ANO6: variants seen among roughly 807,000 people sequenced by gnomAD.
ANO6 encodes the protein anoctamin-6.
In ANO6, 106 loss-of-function variants were observed where a neutral mutation model predicts 117.5. The ratio of observed to expected loss-of-function variants is 0.90; its 90% CI spans 0.77 to 1.06. ANO6 has a LOEUF of 1.06. Among genes scored for constraint, ANO6 ranks in the 50% least tolerant of loss-of-function variants. The probability of loss-of-function intolerance (pLI) is 0.00; values close to 1 mark genes in which losing one functional copy is unlikely to be tolerated. For synonymous variants in ANO6, 367 were observed against 385.1 expected (o/e 0.95, Z 0.55); for missense variants, 955 against 1,121.1 (o/e 0.85, Z 2.12).
chr12:45,243,808 C>T (rs1947782390), intron 1 of ANO6, among the ~76,000 whole-genome samples: 1 of 152,276 alleles, frequency 6.6e-6, no homozygotes, highest in East Asian at 1.9e-4. Flanking sequence ...CCTCAGCTTC[C>T]CAAAGTGCTG....
rs1947427123 is a variant in ANO6 at position 45,222,894 on chromosome 12, A to T, written c.70+6503A>T. On this transcript the variant is annotated intron_variant, in intron 1 of 19. Transcript: ENST00000320560. ...TTCCCCATTCAGTCTATTAGTATTAAATCGTATGCTTTTTGTCCAATCACT... is the reference window on the plus strand; with the variant it reads ...TTCCCCATTCAGTCTATTAGTATTATATCGTATGCTTTTTGTCCAATCACT... 3.3e-5 allele frequency among the ~76,000 whole-genome samples: 5 copies of T among 152,334 alleles called. No individual in the cohort carries two copies. The South Asian group carries it at 1.0e-3, about 32-fold the overall frequency.
intron 9 of ANO6, among the ~76,000 whole-genome samples, chr12:45,372,713 A>T (rs377625084): frequency 6.6e-6 from 1 of 152,112 alleles, no homozygotes; most frequent in Non-Finnish European, 1.5e-5. Flanking sequence ...TGAAGGAAGC[A>T]CTAAACATGG....
chr12:45,423,469 A>T (rs1462461690), intron 19 of ANO6, among the ~76,000 whole-genome samples: 1 of 152,220 alleles, frequency 6.6e-6, no homozygotes. Context: ...TTTGTAATTG[A>T]TCTAGCCAAC....
chr12:45,430,384 G>GGGAGT lies in ANO6; in HGVS notation c.*1075_*1079dup, dbSNP rs1943603804. 2.1e-5 allele frequency: 21 copies of GGGAGT among 985,264 alleles called. 1 individual carries two copies. In the South Asian group the frequency reaches 9.4e-4, roughly 44 times the overall value. The allele number at this position is 985,264 out of a possible 1,614,324, so 61.0% of individuals were successfully genotyped here. ...GTGCCCTCATTGTGGTCATTGGGTGGGGAGTGCCTTTTGTCAAGGAGTCTG... is the reference window on the plus strand; with the variant it reads ...GTGCCCTCATTGTGGTCATTGGGTGGGGAGTGGAGTGCCTTTTGTCAAGGAGTCTG... On this transcript the variant is annotated 3_prime_UTR_variant, in exon 20 of 20. Transcript: ENST00000320560.
rs553354593 is a variant in ANO6 at position 45,283,612 on chromosome 12, C to T, written c.71-18402C>T. On this transcript the variant is annotated intron_variant, in intron 1 of 19. Transcript: ENST00000320560. ...CATGTAATAGCATCTATTTTTTCTA[C>T]TCTGTCTACATAATGGGAGCTAAGA... 6.6e-5 allele frequency among the ~76,000 whole-genome samples: 10 copies of T among 152,274 alleles called. 1 individual carries two copies. In the East Asian group the frequency reaches 1.9e-3, roughly 29 times the overall value.
chr12:45,272,543 G>A (rs1938426926), intron 1 of ANO6, among the ~76,000 whole-genome samples: 2 of 152,174 alleles, frequency 1.3e-5, no homozygotes, highest in African/African-American at 4.8e-5. Flanking sequence ...CATAAGAAGA[G>A]AGAATTCTCC....
At chr12:45,247,446 T>C (rs761543836) in intron 1 of ANO6, among the ~76,000 whole-genome samples, 2 of 152,222 alleles carry the variant, frequency 1.3e-5, no homozygotes, top group African/African-American at 2.4e-5. Context: ...ATCAGAAAAG[T>C]AATTTGCCTA....
At chr12:45,418,263 C>T (rs980032988) in intron 17 of ANO6, among the ~76,000 whole-genome samples, 22 of 152,136 alleles carry the variant, frequency 1.4e-4, no homozygotes, top group Admixed American at 6.5e-4. Flanking sequence ...ACCCCAGAAC[C>T]GTACATTTAT....
At chr12:45,382,846 T>TG (rs1223739126) in intron 10 of ANO6, among the ~76,000 whole-genome samples, 1 of 152,236 alleles carries the variant, frequency 6.6e-6, no homozygotes, top group African/African-American at 2.4e-5. Flanking sequence ...TTAATCTTTT[T>TG]GCTGTGAGAG....
rs769035967 is a variant in ANO6 at position 45,401,886 on chromosome 12, A to G, written c.1478A>G (p.Asn493Ser). Residue 493 changes from asparagine (N) to serine (S), a missense_variant, in exon 13 of 20, where the codon AAT becomes AGT. Asn to Ser is a conservative substitution (Grantham distance 46). Coordinates refer to ENST00000320560, the MANE Select transcript of ANO6 (RefSeq NM_001025356.3). ...TCTGCAAAACTTCCCAAGAACATTA[A>G]TGGAACAGACCCAATCCAGAAATAC... ...VFSAKLPKNI[N>S]GTDPIQKYLT... 5 of 1,613,946 alleles carry G rather than the reference A, an allele frequency of 3.1e-6. No homozygotes were observed. In the South Asian group the frequency reaches 5.5e-5, roughly 18 times the overall value.
rs187344610 is a variant in ANO6, at chr12:45,305,250, G to A, written c.150+3157G>A. Among the ~76,000 whole-genome samples the A allele has an allele frequency of 1.9e-4, 29 of 152,256 alleles. No individual in the cohort carries two copies. The East Asian group carries it at 2.9e-3, about 15-fold the overall frequency. ...GTAAGAGTCCAGGTGAAAGGGACCC[G>A]GCAAATACTGGCATTAGAAAGTAAC... On this transcript the variant is annotated intron_variant, in intron 2 of 19. Coordinates refer to ENST00000320560, the MANE Select transcript of ANO6 (RefSeq NM_001025356.3).
rs370355364 is a variant in ANO6, at chr12:45,412,626, C to T, written c.2011+3139C>T. 1.1e-3 allele frequency among the ~76,000 whole-genome samples: 174 copies of T among 152,322 alleles called. 2 individuals carry two copies. In the South Asian group the frequency reaches 0.036, roughly 31 times the overall value. Reference sequence around the variant, plus strand: ...ATCACCTGCCATGAAGTCTCCTAACCTTTGCAGGATGAGCTTTCCAAAAGG... The same window carrying T: ...ATCACCTGCCATGAAGTCTCCTAACTTTTGCAGGATGAGCTTTCCAAAAGG... On this transcript the variant is annotated intron_variant, in intron 16 of 19. Coordinates refer to ENST00000320560, the MANE Select transcript of ANO6 (RefSeq NM_001025356.3).
At chr12:45,257,492 C>T (rs377382218) in intron 1 of ANO6, among the ~76,000 whole-genome samples, 1 of 152,300 alleles carries the variant, frequency 6.6e-6, no homozygotes, top group South Asian at 2.1e-4. Context: ...AGTTGCATCC[C>T]TTCTGTGTGC....
At chr12:45,231,162 A>G (rs921608046) in intron 1 of ANO6, among the ~76,000 whole-genome samples, 3 of 152,240 alleles carry the variant, frequency 2.0e-5, no homozygotes, top group African/African-American at 7.2e-5. Flanking sequence ...TAGAATTTTT[A>G]TTCCTTAAGT....
At chr12:45,411,038 G>A (rs1027586454) in intron 16 of ANO6, among the ~76,000 whole-genome samples, 41 of 152,166 alleles carry the variant, frequency 2.7e-4, no homozygotes, top group Non-Finnish European at 2.5e-4. Context: ...CAGAAGGACT[G>A]TAAGACAATT....
intron 4 of ANO6, 37 bp downstream of exon 4, chr12:45,347,124 C>T: frequency 1.3e-6 from 2 of 1,597,054 alleles, no homozygotes; most frequent in Non-Finnish European, 1.7e-6. Flanking sequence ...CGGCTGACCA[C>T]TGTTCTCGGG....
At chr12:45,290,332 G>T (rs1271907090) in intron 1 of ANO6, among the ~76,000 whole-genome samples, 3 of 151,968 alleles carry the variant, frequency 2.0e-5, no homozygotes, top group Admixed American at 6.6e-5. Context: ...TTGAAATCAG[G>T]CCTACTCTGA....
rs1424750604 is a variant in ANO6 at position 45,357,296 on chromosome 12, C to T, written c.870C>T (p.Tyr290=). 4 of 1,613,550 alleles carry T rather than the reference C, an allele frequency of 2.5e-6. No individual in the cohort carries two copies. Among genetic ancestry groups the T allele is most frequent in the Non-Finnish European group, 3.4e-6 (4 of 1,179,932 alleles). Residue 290 remains tyrosine, a synonymous_variant, in exon 8 of 20, where the codon TAC becomes TAT. Coordinates refer to ENST00000320560, the MANE Select transcript of ANO6 (RefSeq NM_001025356.3). ...KKQPLDLIRK[Y]YGEKIGIYFA... is the part of the protein sequence containing the mutation. The stretch of plus-strand genomic sequence containing the variant: ...AATTTCTGTCTTTCTTCAGGAAATA[C>T]TATGGAGAGAAGATTGGAATCTACT...
chr12:45,416,976 G>A (rs1943230411), intron 17 of ANO6, 72 bp downstream of exon 17: 1 of 1,483,608 alleles, frequency 6.7e-7, no homozygotes, highest in East Asian at 2.3e-5. Flanking sequence ...GGAATCAAAT[G>A]TTTAGTGTTT....
Sources: gnomAD v4.1 joint callset for allele counts (sites outside exome capture counted in the v4.1 genomes callset) on GRCh38, gnomAD v4.1.1 for gene constraint, MANE v1.5 for transcripts, NCBI Gene and HGNC (gene_info 2026-07-23, HGNC 2026-07-21) for gene names.